CNTNAP4: variants seen among roughly 807,000 people sequenced by gnomAD.
CNTNAP4 encodes the protein contactin associated protein family member 4, also known as contactin-associated protein-like 4.
In CNTNAP4, 98 loss-of-function variants were observed where a neutral mutation model predicts 148.4. The ratio of observed to expected loss-of-function variants is 0.66; its 90% CI spans 0.56 to 0.78. The LOEUF (loss-of-function observed/expected upper bound fraction) is 0.78. Ranked by LOEUF, CNTNAP4 falls within the 30% of genes least tolerant of loss-of-function variation. The pLI, the probability that CNTNAP4 is intolerant of heterozygous loss-of-function variation, is 0.00. For missense variants in CNTNAP4, 1,935 were observed against 1,565.6 expected, an observed-to-expected ratio of 1.24 and a Z score of -3.98; for synonymous variants, 730 against 565.1, an observed-to-expected ratio of 1.29 and a Z score of -4.14.
At chr16:76,441,315 C>T (rs1020374164) in intron 4 of CNTNAP4, among the ~76,000 whole-genome samples, 3 of 152,128 alleles carry the variant, frequency 2.0e-5, no homozygotes, top group South Asian at 2.1e-4. Context: ...GCAGAAGACA[C>T]ATTTCAAGAA....
At chr16:76,383,234 A>G (rs900683776) in intron 3 of CNTNAP4, among the ~76,000 whole-genome samples, 1 of 152,068 alleles carries the variant, frequency 6.6e-6, no homozygotes, top group African/African-American at 2.4e-5. Flanking sequence ...GAATAACTCC[A>G]TTTTGTAAAC....
At chr16:76,377,855 A>C (rs548974385) in intron 3 of CNTNAP4, among the ~76,000 whole-genome samples, 316 of 152,332 alleles carry the variant, frequency 2.1e-3, no homozygotes, top group African/African-American at 7.2e-3. Context: ...AGCACACTGC[A>C]CCTTAGGTCC....
At chr16:76,454,868 C>T (rs1018973704) in intron 8 of CNTNAP4, among the ~76,000 whole-genome samples, 1 of 152,106 alleles carries the variant, frequency 6.6e-6, no homozygotes, top group African/African-American at 2.4e-5. Flanking sequence ...TAATTTTTCT[C>T]AGCTACTGGA....
At chr16:76,343,758 G>C (rs1964681929) in intron 2 of CNTNAP4, among the ~76,000 whole-genome samples, 1 of 151,314 alleles carries the variant, frequency 6.6e-6, no homozygotes, top group African/African-American at 2.4e-5. Flanking sequence ...TTTGTCTGAT[G>C]AGGTAAAGAA....
At chr16:76,538,093 A>AAT (rs758111435) in intron 18 of CNTNAP4, 23 bp from the exon 19 acceptor site, 564 of 1,049,502 alleles carry the variant, frequency 5.4e-4, no homozygotes, top group African/African-American at 2.4e-3. Context: ...TTTTAACAAA[A>AAT]ATATATATAT....
At chr16:76,537,068 T>G (rs1056601333) in intron 18 of CNTNAP4, among the ~76,000 whole-genome samples, 1 of 152,216 alleles carries the variant, frequency 6.6e-6, no homozygotes, top group African/African-American at 2.4e-5. Context: ...ATCATAATCA[T>G]ATACTGCTGG....
At chr16:76,348,670 A>C (rs1157948890) in intron 2 of CNTNAP4, among the ~76,000 whole-genome samples, 2 of 152,172 alleles carry the variant, frequency 1.3e-5, no homozygotes, top group African/African-American at 2.4e-5. Context: ...CCATGTGAAC[A>C]GGAGACTGAA....
At chr16:76,432,819 A>G (rs879743272) in intron 4 of CNTNAP4, among the ~76,000 whole-genome samples, 3 of 152,108 alleles carry the variant, frequency 2.0e-5, no homozygotes, top group South Asian at 2.1e-4. Flanking sequence ...TCTCTTCCTC[A>G]TCCCCAACAG....
chr16:76,453,895 C>T (rs543383543), intron 8 of CNTNAP4, among the ~76,000 whole-genome samples: 1 of 151,654 alleles, frequency 6.6e-6, no homozygotes, highest in East Asian at 1.9e-4. Flanking sequence ...GCTGGCTAGA[C>T]AAAAAGAAAT....
chr16:76,533,479 G>A (rs1222884071), intron 17 of CNTNAP4, among the ~76,000 whole-genome samples: 1 of 152,138 alleles, frequency 6.6e-6, no homozygotes, highest in East Asian at 1.9e-4. Context: ...GGAAGATATT[G>A]AATGTTCCCA....
intron 1 of CNTNAP4, chr16:76,309,915 G>A (rs8053810): frequency 0.3 from 210,574 of 698,020 alleles, 35,124 homozygotes; most frequent in Non-Finnish European, 0.35. Context: ...CTGTGAGTCC[G>A]GTTAAGTCTC....
intron 4 of CNTNAP4, among the ~76,000 whole-genome samples, chr16:76,428,388 G>T (rs1490281833): frequency 1.3e-5 from 2 of 151,520 alleles, no homozygotes; most frequent in Non-Finnish European, 2.9e-5. Context: ...TAATCTGGAA[G>T]AGAACCCAGG....
chr16:76,357,594 G>A (rs1271000501), intron 3 of CNTNAP4, among the ~76,000 whole-genome samples: 4 of 152,198 alleles, frequency 2.6e-5, no homozygotes, highest in African/African-American at 4.8e-5. Flanking sequence ...TGTGAGCTCT[G>A]TAAATACTGT....
At chr16:76,300,279 A>G (rs1288816374) in intron 1 of CNTNAP4, among the ~76,000 whole-genome samples, 3 of 152,136 alleles carry the variant, frequency 2.0e-5, no homozygotes, top group African/African-American at 7.2e-5. Context: ...TGCCTATCCC[A>G]CATCATGTCC....
At chr16:76,434,321 T>A (rs1366312205) in intron 4 of CNTNAP4, among the ~76,000 whole-genome samples, 1 of 152,066 alleles carries the variant, frequency 6.6e-6, no homozygotes, top group African/African-American at 2.4e-5. Flanking sequence ...ACAGTAAAGG[T>A]ATATTGCTGG....
At chr16:76,535,422 C>G (rs1478329360) in intron 17 of CNTNAP4, 123 bp from the exon 18 acceptor site, 4 of 1,011,888 alleles carry the variant, frequency 4.0e-6, no homozygotes, top group Non-Finnish European at 5.7e-6. Flanking sequence ...ATTGTGTTTC[C>G]AAAATTATAT....
chr16:76,418,082 G>A lies in CNTNAP4; in HGVS notation c.391-9370G>A, dbSNP rs1198300185. The stretch of plus-strand genomic sequence containing the variant: ...TTTGCATCTGATATGACTCAGAATA[G>A]TTTTTATTTTGGTTTTTAATCTTCA... On this transcript the variant is annotated intron_variant, in intron 3 of 23. Coordinates refer to ENST00000611870, the MANE Select transcript of CNTNAP4 (RefSeq NM_033401.5). 3.9e-5 allele frequency among the ~76,000 whole-genome samples: 5 copies of A among 129,116 alleles called. No homozygotes were observed. The East Asian group carries it at 1.1e-3, about 29-fold the overall frequency. 84.7% of individuals were successfully genotyped at this position (129,116 alleles called of 152,430 possible). A position where few individuals can be genotyped will look rare whatever the true frequency, so the allele number is the denominator to read the frequency against.
chr16:76,554,019 A>G (rs2085084746), intron 23 of CNTNAP4, 112 bp downstream of exon 23: 1 of 652,218 alleles, frequency 1.5e-6, no homozygotes, highest in African/African-American at 1.8e-5. Context: ...AGTGCCAGGC[A>G]CTGAATCCTG....
intron 4 of CNTNAP4, among the ~76,000 whole-genome samples, chr16:76,443,917 C>T (rs1210432593): frequency 6.6e-6 from 1 of 152,080 alleles, no homozygotes; most frequent in Admixed American, 6.6e-5. Flanking sequence ...ATGTTGCTTT[C>T]TTGGTCATTG....
Sources: allele counts gnomAD v4.1 joint callset (sites outside exome capture counted in the v4.1 genomes callset), GRCh38; gene constraint gnomAD v4.1.1; transcripts MANE v1.5; gene names NCBI Gene and HGNC (gene_info 2026-07-23, HGNC 2026-07-21).